TENM4: variants seen among roughly 807,000 people sequenced by gnomAD.
TENM4 encodes the protein teneurin-4.
A neutral mutation model predicts 243.3 loss-of-function variants in TENM4; 82 were observed. The ratio of observed to expected loss-of-function variants is 0.34; its 90% CI spans 0.28 to 0.40. The LOEUF (loss-of-function observed/expected upper bound fraction) is 0.40. Ranked by LOEUF, TENM4 falls within the 10% of genes least tolerant of loss-of-function variation. The pLI, the probability that TENM4 is intolerant of heterozygous loss-of-function variation, is 1.00. For missense variants in TENM4, 3,138 were observed against 3,673.3 expected (o/e 0.85, Z 3.77); for synonymous variants, 1,412 against 1,456.3 (o/e 0.97, Z 0.69).
At chr11:79,294,431 G>C (rs1856411054) in intron 2 of TENM4, among the ~76,000 whole-genome samples, 1 of 152,214 alleles carries the variant, frequency 6.6e-6, no homozygotes, top group African/African-American at 2.4e-5. Context: ...TGGCTTGGCA[G>C]GTGGAATGCA....
At chr11:79,042,163 C>T (rs948717101) in intron 6 of TENM4, among the ~76,000 whole-genome samples, 25 of 152,208 alleles carry the variant, frequency 1.6e-4, no homozygotes, top group Admixed American at 1.1e-3. Context: ...TGACTCTCTT[C>T]TAAGCTTTCA....
At position 78,899,569 on chromosome 11, in the gene TENM4, G is replaced by GGC. The variant is rs1555098964; in HGVS notation, c.749+3698_749+3699insGC. ...CTCTGTCTCAAAAAGCGGGGGGGGG[G>GGC]GGAAAAAGAAAAAAGAAAGAAAATT... On this transcript the variant is annotated intron_variant, in intron 7 of 33. Coordinates refer to ENST00000278550, the MANE Select transcript of TENM4 (RefSeq NM_001098816.3). 3.2e-5 allele frequency among the ~76,000 whole-genome samples: 4 copies of GGC among 123,762 alleles called. 1 individual carries two copies. Among genetic ancestry groups the GGC allele is most frequent in the Non-Finnish European group, 7.0e-5 (4 of 57,328 alleles). 81.2% of individuals were successfully genotyped at this position (123,762 alleles called of 152,430 possible).
chr11:79,108,165 C>A (rs1293307599), intron 4 of TENM4, among the ~76,000 whole-genome samples: 2 of 152,128 alleles, frequency 1.3e-5, no homozygotes, highest in East Asian at 1.9e-4. Context: ...GGCCTTAGTG[C>A]CCAGTTATTT....
intron 2 of TENM4, among the ~76,000 whole-genome samples, chr11:79,222,654 C>T (rs889813126): frequency 1.3e-5 from 2 of 152,206 alleles, no homozygotes; most frequent in African/African-American, 2.4e-5. Flanking sequence ...TTCTCCACAG[C>T]CTTGCCAGAA....
chr11:79,379,708 T>TG (rs1327727228), intron 1 of TENM4, among the ~76,000 whole-genome samples: 1 of 152,012 alleles, frequency 6.6e-6, no homozygotes, highest in African/African-American at 2.4e-5. Context: ...GACCACACAG[T>TG]GAGTAAGTGG....
intron 6 of TENM4, among the ~76,000 whole-genome samples, chr11:78,916,208 G>A (rs1856312414): frequency 6.6e-6 from 1 of 152,208 alleles, no homozygotes; most frequent in Non-Finnish European, 1.5e-5. Context: ...TGAAAGCCTT[G>A]ATTTCTTCAT....
At chr11:79,103,353 G>A (rs1196799134) in intron 4 of TENM4, among the ~76,000 whole-genome samples, 1 of 152,146 alleles carries the variant, frequency 6.6e-6, no homozygotes, top group Non-Finnish European at 1.5e-5. Flanking sequence ...ACATAATTCT[G>A]ATTGCTCCCT....
intron 15 of TENM4, among the ~76,000 whole-genome samples, chr11:78,793,497 G>C (rs750407353): frequency 6.6e-6 from 1 of 152,178 alleles, no homozygotes. Context: ...TTTTAATAGA[G>C]GGTTAATTTT....
chr11:79,182,298 T>C (rs915109576), intron 3 of TENM4, among the ~76,000 whole-genome samples: 5 of 152,038 alleles, frequency 3.3e-5, no homozygotes, highest in Non-Finnish European at 5.9e-5. Flanking sequence ...ATAAATACAG[T>C]CAACTGATTT....
At chr11:79,134,459 A>G (rs1862069990) in intron 4 of TENM4, among the ~76,000 whole-genome samples, 2 of 152,158 alleles carry the variant, frequency 1.3e-5, no homozygotes, top group Admixed American at 6.6e-5. Context: ...TCCCATCAAA[A>G]TACTACCATC....
rs543651451 is a variant in TENM4, at chr11:78,917,540, A to G, written c.494-14017T>C. Among the ~76,000 whole-genome samples, 223 of 152,194 alleles carry G rather than the reference A, an allele frequency of 1.5e-3. 1 individual carries two copies. The highest frequency in any genetic ancestry group is 5.3e-3 in the African/African-American group (218 of 41,518). ...TCAGGAGATCTTGGGCAGGTATTCC[A>G]TCCATCAATGTCCATAAGCCAAGTC... On this transcript the variant is annotated intron_variant, in intron 6 of 33. Coordinates refer to ENST00000278550, the MANE Select transcript of TENM4 (RefSeq NM_001098816.3).
intron 19 of TENM4, among the ~76,000 whole-genome samples, chr11:78,750,853 G>GTGTGTT (rs1856171969): frequency 6.8e-6 from 1 of 146,748 alleles, no homozygotes; most frequent in African/African-American, 2.6e-5. Flanking sequence ...TGAGGCTTGT[G>GTGTGTT]TGTGTGTGTG....
intron 6 of TENM4, among the ~76,000 whole-genome samples, chr11:79,017,298 A>G (rs1323501408): frequency 6.6e-6 from 1 of 152,162 alleles, no homozygotes; most frequent in African/African-American, 2.4e-5. Context: ...GAAGTGGGGT[A>G]GGTGGGAGTT....
intron 1 of TENM4, among the ~76,000 whole-genome samples, chr11:79,393,377 A>G (rs1361563226): frequency 6.6e-6 from 1 of 152,118 alleles, no homozygotes; most frequent in East Asian, 1.9e-4. Flanking sequence ...CCGTTTCCTC[A>G]TCTTCACACT....
intron 3 of TENM4, among the ~76,000 whole-genome samples, chr11:79,175,659 C>T (rs1276158856): frequency 6.6e-6 from 1 of 152,120 alleles, no homozygotes; most frequent in Non-Finnish European, 1.5e-5. Flanking sequence ...TTACAGAGCT[C>T]AACGGTATTT....
chr11:79,225,633 C>G (rs1167702944), intron 2 of TENM4, among the ~76,000 whole-genome samples: 1 of 152,126 alleles, frequency 6.6e-6, no homozygotes, highest in East Asian at 1.9e-4. Context: ...CATACACCAC[C>G]ATGCTGGCTA....
chr11:78,833,568 G>A (rs1186043309), intron 12 of TENM4, among the ~76,000 whole-genome samples: 1 of 152,194 alleles, frequency 6.6e-6, no homozygotes, highest in Non-Finnish European at 1.5e-5. Flanking sequence ...TGCTGCTGGA[G>A]CCCTCTGCCT....
At chr11:78,834,154 TTA>T (rs1436349205) in intron 12 of TENM4, among the ~76,000 whole-genome samples, 2 of 152,216 alleles carry the variant, frequency 1.3e-5, no homozygotes, top group African/African-American at 4.8e-5. Flanking sequence ...CCCCTTCCAT[TTA>T]TCTTTCAACC....
At chr11:79,111,110 A>G (rs1326433202) in intron 4 of TENM4, among the ~76,000 whole-genome samples, 1 of 152,124 alleles carries the variant, frequency 6.6e-6, no homozygotes, top group Non-Finnish European at 1.5e-5. Flanking sequence ...GAGTAAGTCT[A>G]ACAAGATCTA....
Sources: allele counts gnomAD v4.1 joint callset (sites outside exome capture counted in the v4.1 genomes callset), GRCh38; gene constraint gnomAD v4.1.1; transcripts MANE v1.5; gene names NCBI Gene and HGNC (gene_info 2026-07-23, HGNC 2026-07-21).